The following STK3 variants were observed in gnomAD, a reference collection of about 807,000 sequenced individuals.
The protein encoded by STK3 is serine/threonine-protein kinase 3.
In STK3, 41 loss-of-function variants were observed where a neutral mutation model predicts 58.0. That is an observed-to-expected ratio of 0.71 (90% confidence interval 0.55 to 0.92). The LOEUF is 0.92. Among genes scored for constraint, STK3 ranks in the 40% least tolerant of loss-of-function variants. The pLI is 0.00. For synonymous variants in STK3, 170 were observed against 191.0 expected (o/e 0.89, Z 0.91); for missense variants, 479 against 602.7 (o/e 0.79, Z 2.15).
chr8:98,382,063 T>G (rs1469575571), intron 1 of STK3, among the ~76,000 whole-genome samples: 1 of 152,230 alleles, frequency 6.6e-6, no homozygotes, highest in Non-Finnish European at 1.5e-5. Flanking sequence ...GGGAAGGACC[T>G]CCATCCTTTT....
At chr8:98,538,542 C>G (rs769932544) in intron 9 of STK3, among the ~76,000 whole-genome samples, 1 of 152,100 alleles carries the variant, frequency 6.6e-6, no homozygotes, top group Non-Finnish European at 1.5e-5. Context: ...TGTTTTCAAT[C>G]TCCAATGAAG....
At chr8:98,683,160 A>G (rs1413444388) in intron 6 of STK3, among the ~76,000 whole-genome samples, 1 of 151,978 alleles carries the variant, frequency 6.6e-6, no homozygotes, top group Non-Finnish European at 1.5e-5. Flanking sequence ...AACAGGAACT[A>G]AAGTGCCAAA....
chr8:98,561,108 TA>T (rs1023048352), intron 8 of STK3, among the ~76,000 whole-genome samples: 1 of 152,032 alleles, frequency 6.6e-6, no homozygotes, highest in African/African-American at 2.4e-5. Flanking sequence ...AACACTACAG[TA>T]ATCAAAACAG....
At chr8:98,586,848 T>G (rs905498723) in intron 7 of STK3, among the ~76,000 whole-genome samples, 2 of 152,118 alleles carry the variant, frequency 1.3e-5, no homozygotes, top group Middle Eastern at 3.4e-3. Context: ...GTCGAGGAAT[T>G]TATCCATTTC....
chr8:98,861,192 C>T (rs962239014), intron 3 of STK3, among the ~76,000 whole-genome samples: 1 of 152,096 alleles, frequency 6.6e-6, no homozygotes. Context: ...GCTCCTTACA[C>T]TACAGGGTTT....
chr8:98,727,183 T>A (rs1465896850), intron 4 of STK3, among the ~76,000 whole-genome samples: 1 of 152,168 alleles, frequency 6.6e-6, no homozygotes, highest in Non-Finnish European at 1.5e-5. Flanking sequence ...CACATTGTAA[T>A]GGCCACAATG....
intron 6 of STK3, among the ~76,000 whole-genome samples, chr8:98,654,133 C>T (rs1821245881): frequency 6.6e-6 from 1 of 152,180 alleles, no homozygotes; most frequent in South Asian, 2.1e-4. Context: ...AGCTTATCCA[C>T]CATGATCAAG....
chr8:98,429,509 T>C, intron 3 of STK3: 4 of 862,868 alleles, frequency 4.6e-6, no homozygotes, highest in Non-Finnish European at 7.3e-6. Context: ...GTAAGGAGTA[T>C]GCCCAGCCCC....
chr8:98,586,511 G>A (rs1236461859), intron 7 of STK3, among the ~76,000 whole-genome samples: 1 of 149,466 alleles, frequency 6.7e-6, no homozygotes, highest in East Asian at 1.9e-4. Context: ...GTATTTTATT[G>A]AGGATTTTTG....
chr8:98,771,862 C>T (rs569483255), intron 2 of STK3, among the ~76,000 whole-genome samples: 82 of 152,320 alleles, frequency 5.4e-4, no homozygotes, highest in African/African-American at 1.9e-3. Context: ...GCTGGGATTA[C>T]AGCGTGTAAG....
chr8:98,666,584 G>T (rs1175772418), intron 6 of STK3, among the ~76,000 whole-genome samples: 2 of 152,070 alleles, frequency 1.3e-5, no homozygotes, highest in East Asian at 3.9e-4. Flanking sequence ...TTCTTTAAAA[G>T]TAAACCAAAA....
chr8:98,798,128 C>G (rs1275157563), intron 1 of STK3, among the ~76,000 whole-genome samples: 1 of 152,150 alleles, frequency 6.6e-6, no homozygotes, highest in East Asian at 1.9e-4. Flanking sequence ...ACTATACTAA[C>G]AAATCTCATT....
intron 3 of STK3, among the ~76,000 whole-genome samples, chr8:98,425,298 GA>G (rs1818217992): frequency 6.6e-6 from 1 of 151,074 alleles, no homozygotes; most frequent in Non-Finnish European, 1.5e-5. Context: ...GGATAACCAA[GA>G]TCAGATTTTT....
chr8:98,481,663 TTCACTATTATACA>T (rs1307907057), intron 10 of STK3, among the ~76,000 whole-genome samples: 14 of 151,758 alleles, frequency 9.2e-5, no homozygotes, highest in African/African-American at 2.7e-4. Context: ...GCAGCCCAGC[TTCACTATTATACA>T]ACTTGCCCAT....
At chr8:98,910,978 T>C (rs2131980601) in intron 1 of STK3, among the ~76,000 whole-genome samples, 1 of 152,330 alleles carries the variant, frequency 6.6e-6, no homozygotes, top group East Asian at 1.9e-4. Flanking sequence ...ACACATCACA[T>C]GGCTTCTGGT....
At chr8:98,406,370 G>A (rs1046732033) in intron 3 of STK3, among the ~76,000 whole-genome samples, 5 of 151,914 alleles carry the variant, frequency 3.3e-5, no homozygotes, top group African/African-American at 1.2e-4. Flanking sequence ...TGTGTTGCTG[G>A]CATTTGGTGT....
chr8:98,515,349 C>T (rs917503371), intron 10 of STK3, among the ~76,000 whole-genome samples: 1 of 152,098 alleles, frequency 6.6e-6, no homozygotes, highest in African/African-American at 2.4e-5. Flanking sequence ...CTAGTCTGTT[C>T]AGCAGACATG....
intron 4 of STK3, among the ~76,000 whole-genome samples, chr8:98,736,640 A>T (rs1828618849): frequency 6.6e-6 from 1 of 152,182 alleles, no homozygotes; most frequent in South Asian, 2.1e-4. Flanking sequence ...ATTCAGAATC[A>T]AGAACGCTTT....
chr8:98,638,930 A>G (rs1290446568), intron 6 of STK3, among the ~76,000 whole-genome samples: 1 of 152,200 alleles, frequency 6.6e-6, no homozygotes, highest in East Asian at 1.9e-4. Flanking sequence ...TATTTAGACA[A>G]GGGCAAATAT....
Sources: gnomAD v4.1 joint callset for allele counts (sites outside exome capture counted in the v4.1 genomes callset) on GRCh38, gnomAD v4.1.1 for gene constraint, MANE v1.5 for transcripts, NCBI Gene and HGNC (gene_info 2026-07-23, HGNC 2026-07-21) for gene names.